Variants in SPAG16 observed in about 807,000 individuals in gnomAD.
SPAG16 encodes the protein sperm-associated antigen 16 protein.
In SPAG16, 86 loss-of-function variants were observed where a neutral mutation model predicts 80.4. The ratio of observed to expected loss-of-function variants is 1.07; its 90% CI spans 0.90 to 1.28. The LOEUF (loss-of-function observed/expected upper bound fraction) is 1.28, where lower values mean the gene tolerates loss of function less well. SPAG16 is among the 50% of genes most tolerant of loss of function. The probability of loss-of-function intolerance (pLI) is 0.00; values close to 1 mark genes in which losing one functional copy is unlikely to be tolerated. For synonymous variants in SPAG16, 294 were observed against 265.9 expected (o/e 1.11, Z -1.03); for missense variants, 870 against 765.3 (o/e 1.14, Z -1.61).
At chr2:213,929,807 A>C (rs533501049) in intron 11 of SPAG16, among the ~76,000 whole-genome samples, 153 bp from the exon 12 acceptor site, 14 of 152,270 alleles carry the variant, frequency 9.2e-5, no homozygotes, top group African/African-American at 3.4e-4. Flanking sequence ...GTAGACCCAA[A>C]TAAGATAATA....
intron 9 of SPAG16, among the ~76,000 whole-genome samples, chr2:213,487,571 TTTTACTAGGG>T (rs1575722605): frequency 6.6e-6 from 1 of 152,076 alleles, no homozygotes; most frequent in Admixed American, 6.5e-5. Context: ...ATTGGATTGT[TTTTACTAGGG>T]TTTTGCCGCT....
chr2:213,882,990 C>T (rs900494713), intron 11 of SPAG16, among the ~76,000 whole-genome samples: 27 of 152,080 alleles, frequency 1.8e-4, no homozygotes, highest in Admixed American at 1.6e-3. Context: ...CTCAGCCTCC[C>T]GAGTAGCTGG....
At chr2:213,686,182 G>T (rs565698557) in intron 10 of SPAG16, among the ~76,000 whole-genome samples, 1 of 152,108 alleles carries the variant, frequency 6.6e-6, no homozygotes, top group African/African-American at 2.4e-5. Context: ...GCAGTGGTGC[G>T]ATCTTGGCTC....
intron 1 of SPAG16, among the ~76,000 whole-genome samples, chr2:213,288,723 C>T (rs2062151810): frequency 6.7e-6 from 1 of 149,992 alleles, no homozygotes; most frequent in African/African-American, 2.5e-5. Context: ...ATTTCTTTTT[C>T]TTTTTTAAAA....
intron 12 of SPAG16, among the ~76,000 whole-genome samples, chr2:213,967,128 G>T (rs563665003): frequency 7.6e-4 from 115 of 152,204 alleles, no homozygotes; most frequent in African/African-American, 2.6e-3. Flanking sequence ...TCTTCCATGA[G>T]AAACTGTTAT....
At chr2:214,134,761 T>A (rs1559832366) in intron 14 of SPAG16, among the ~76,000 whole-genome samples, 1 of 152,204 alleles carries the variant, frequency 6.6e-6, no homozygotes, top group Non-Finnish European at 1.5e-5. Context: ...CAACATTCCC[T>A]TTAACGTATC....
At chr2:213,342,999 G>T (rs1307005191) in intron 6 of SPAG16, among the ~76,000 whole-genome samples, 1 of 152,002 alleles carries the variant, frequency 6.6e-6, no homozygotes, top group Non-Finnish European at 1.5e-5. Context: ...GCTGGAACTT[G>T]CAGCATGGTG....
intron 12 of SPAG16, among the ~76,000 whole-genome samples, chr2:214,008,086 A>T (rs2047110193): frequency 6.6e-6 from 1 of 152,072 alleles, no homozygotes; most frequent in South Asian, 2.1e-4. Context: ...TCTGTTCTTC[A>T]AATCAGATAA....
chr2:213,495,967 A>G (rs1029432485), intron 10 of SPAG16, among the ~76,000 whole-genome samples: 3 of 152,186 alleles, frequency 2.0e-5, no homozygotes, highest in Non-Finnish European at 4.4e-5. Context: ...GGGCCTTATA[A>G]ATCATGGTAA....
chr2:213,669,192 CAT>C (rs2063725761), intron 10 of SPAG16, among the ~76,000 whole-genome samples: 2 of 152,188 alleles, frequency 1.3e-5, no homozygotes, highest in African/African-American at 4.8e-5. Context: ...ATTCTTAACT[CAT>C]AGATATGATG....
chr2:214,041,732 T>A (rs1164425094), intron 13 of SPAG16, among the ~76,000 whole-genome samples: 6 of 151,662 alleles, frequency 4.0e-5, no homozygotes, highest in African/African-American at 1.5e-4. Flanking sequence ...ATTCCTTGCA[T>A]ACTGTATGCA....
At chr2:214,333,125 C>T (rs1697041942) in intron 15 of SPAG16, among the ~76,000 whole-genome samples, 1 of 152,166 alleles carries the variant, frequency 6.6e-6, no homozygotes. Flanking sequence ...GTTGCAAAAT[C>T]TTTCTACAAG....
At chr2:213,447,328 C>T (rs2071382262) in intron 9 of SPAG16, among the ~76,000 whole-genome samples, 1 of 152,180 alleles carries the variant, frequency 6.6e-6, no homozygotes, top group African/African-American at 2.4e-5. Flanking sequence ...CCATTCTGAG[C>T]CCAGAACACC....
intron 15 of SPAG16, among the ~76,000 whole-genome samples, chr2:214,304,855 A>G (rs1288711031): frequency 3.3e-5 from 5 of 152,172 alleles, no homozygotes; most frequent in African/African-American, 9.6e-5. Flanking sequence ...ATGTGTCTTT[A>G]TAACAGAATG....
chr2:213,798,014 G>A (rs942879121), intron 10 of SPAG16, among the ~76,000 whole-genome samples: 3 of 152,150 alleles, frequency 2.0e-5, no homozygotes, highest in Non-Finnish European at 2.9e-5. Context: ...CAATAGATGT[G>A]AACGGGGCAT....
chr2:213,454,455 A>T (rs1047412687), intron 9 of SPAG16, among the ~76,000 whole-genome samples: 3 of 152,150 alleles, frequency 2.0e-5, no homozygotes, highest in Admixed American at 1.3e-4. Flanking sequence ...TGATTTTTAC[A>T]TATTTAAAAG....
chr2:214,117,460 A>G (rs1451784812), intron 14 of SPAG16, among the ~76,000 whole-genome samples: 1 of 152,212 alleles, frequency 6.6e-6, no homozygotes, highest in African/African-American at 2.4e-5. Context: ...AAACTATTCC[A>G]AAAACTTGAA....
chr2:213,839,464 C>T, intron 10 of SPAG16, among the ~76,000 whole-genome samples: 1 of 152,128 alleles, frequency 6.6e-6, no homozygotes, highest in East Asian at 1.9e-4. Flanking sequence ...TCTACCATAT[C>T]AATAGACTTT....
At chr2:214,214,329 C>A (rs1559133718) in intron 15 of SPAG16, among the ~76,000 whole-genome samples, 1 of 151,948 alleles carries the variant, frequency 6.6e-6, no homozygotes, top group Non-Finnish European at 1.5e-5. Flanking sequence ...ACCACCATGC[C>A]CGGCTAATTT....
Sources: gnomAD v4.1 joint callset for allele counts (sites outside exome capture counted in the v4.1 genomes callset) on GRCh38, gnomAD v4.1.1 for gene constraint, MANE v1.5 for transcripts, NCBI Gene and HGNC (gene_info 2026-07-23, HGNC 2026-07-21) for gene names.